The following FYCO1 variants were observed in gnomAD, a reference collection of about 807,000 sequenced individuals.
FYCO1 encodes the protein FYVE and coiled-coil domain autophagy adaptor 1, also known as FYVE and coiled-coil domain-containing protein 1.
FYCO1 carries 122 observed loss-of-function variants against 165.1 expected under a neutral mutation model. The ratio of observed to expected loss-of-function variants is 0.74; its 90% CI spans 0.64 to 0.86. The LOEUF is 0.86. Ranked by LOEUF, FYCO1 falls within the 40% of genes least tolerant of loss-of-function variation. FYCO1 has a pLI of 0.00. For synonymous variants in FYCO1, 648 were observed against 742.5 expected, an observed-to-expected ratio of 0.87 and a Z score of 2.07; for missense variants, 1,702 against 1,810.3, an observed-to-expected ratio of 0.94 and a Z score of 1.09.
Position 45,939,043 on chromosome 3 carries a change from G to A in FYCO1, c.3945-2500C>T, listed in dbSNP as rs79470211. On this transcript the variant is annotated intron_variant, in intron 14 of 17. Coordinates refer to ENST00000296137, the MANE Select transcript of FYCO1 (RefSeq NM_024513.4). ...GATACCAGATACTCACTGCCCACGC[G>A]GCTTTCCTCCTCCCCTTGCTCTGGT... Among the ~76,000 whole-genome samples, 274 of 152,310 alleles carry A rather than the reference G, an allele frequency of 1.8e-3. 1 individual carries two copies. The highest frequency in any genetic ancestry group is 3.4e-3 in the Non-Finnish European group (231 of 68,020).
intron 1 of FYCO1, among the ~76,000 whole-genome samples, chr3:45,986,282 C>A (rs1315083099): frequency 6.6e-6 from 1 of 152,180 alleles, no homozygotes; most frequent in East Asian, 1.9e-4. Flanking sequence ...GCTCGAGGTA[C>A]TACCATGAAC....
chr3:45,929,526 G>A (rs79393352), intron 16 of FYCO1, among the ~76,000 whole-genome samples: 5,021 of 152,284 alleles, frequency 0.033, 121 homozygotes, highest in Middle Eastern at 0.078. Flanking sequence ...TGGGTCTGGG[G>A]AACGTGATGG....
At chr3:45,979,886 G>C (rs984658522) in intron 3 of FYCO1, 56 bp from the exon 4 acceptor site, 5 of 1,599,320 alleles carry the variant, frequency 3.1e-6, no homozygotes, top group Non-Finnish European at 3.4e-6. Flanking sequence ...CTTCATTCCG[G>C]CATTTAAATG....
chr3:45,991,910 T>G (rs572833953), intron 1 of FYCO1, among the ~76,000 whole-genome samples: 1 of 152,032 alleles, frequency 6.6e-6, no homozygotes, highest in East Asian at 1.9e-4. Flanking sequence ...CCAAATCCAA[T>G]TGGAACTGGT....
intron 6 of FYCO1, among the ~76,000 whole-genome samples, chr3:45,970,582 T>A (rs1335840826): frequency 6.6e-6 from 1 of 152,032 alleles, no homozygotes; most frequent in Non-Finnish European, 1.5e-5. Context: ...TTGGCATTCT[T>A]TTTTTTTGAA....
rs140695972 is a variant in FYCO1 at position 45,975,282 on chromosome 3, C to T, written c.352G>A (p.Ala118Thr). The change falls in exon 5 of 18, where the codon GCA becomes ACA. Residue 118 changes from alanine to threonine, a missense_variant. By Grantham distance (58) the Ala-to-Thr change is moderately conservative (BLOSUM62 0). Coordinates refer to ENST00000296137, the MANE Select transcript of FYCO1 (RefSeq NM_024513.4). ...IRYSLVHQRL[A>T]DTLQQCFMNT... ...ATGAAGCACTGCTGTAAGGTGTCTG[C>T]CAACCTCTGGTGCACCAAGGAGTAG... 10 of 1,613,960 alleles carry T rather than the reference C, an allele frequency of 6.2e-6. No individual in the cohort carries two copies. Among genetic ancestry groups the T allele is most frequent in the Non-Finnish European group, 7.6e-6 (9 of 1,179,930 alleles).
At chr3:45,946,914 A>G (rs148910229) in intron 14 of FYCO1, 1 of 1,614,084 alleles carries the variant, frequency 6.2e-7, no homozygotes, top group African/African-American at 1.3e-5. Context: ...AGCCAAGAGG[A>G]TGACCTGGGG....
At chr3:45,936,610 C>T (rs1703906466) in intron 14 of FYCO1, 67 bp from the exon 15 acceptor site, 1 of 1,176,704 alleles carries the variant, frequency 8.5e-7, no homozygotes, top group Admixed American at 1.7e-5. Context: ...ATCCTGGGGT[C>T]CGCAGTCTTG....
rs768865289 is a variant in FYCO1 at position 45,931,097 on chromosome 3, C to T, written c.4225G>A (p.Glu1409Lys). ...ISFSVVFQEAEDTPLDQCKVL... is the reference protein window; with the variant it reads ...ISFSVVFQEAKDTPLDQCKVL... ...TTACACTGATCCAGCGGTGTGTCCTCGGCCTCCTGGAAGACCACACTGAAG... is the reference window on the plus strand; with the variant it reads ...TTACACTGATCCAGCGGTGTGTCCTTGGCCTCCTGGAAGACCACACTGAAG... Residue 1409 changes from glutamate to lysine, a missense_variant, in exon 16 of 18, where the codon GAG becomes AAG. Coordinates refer to ENST00000296137, the MANE Select transcript of FYCO1 (RefSeq NM_024513.4). 13 of 1,613,634 alleles carry T rather than the reference C, an allele frequency of 8.1e-6. No individual in the cohort carries two copies. The Admixed American group carries it at 8.3e-5, about 10-fold the overall frequency.
intron 2 of FYCO1, among the ~76,000 whole-genome samples, chr3:45,982,907 G>A (rs1440830556): frequency 1.3e-5 from 2 of 152,180 alleles, no homozygotes; most frequent in Non-Finnish European, 2.9e-5. Flanking sequence ...CCAGGGGCCT[G>A]GGAGAGACAA....
rs773260238 is a variant in FYCO1, at chr3:45,962,407, G to T, written c.3270-15C>A. 4 of 1,613,550 alleles carry T rather than the reference G, an allele frequency of 2.5e-6. No homozygotes were observed. In the Admixed American group the frequency reaches 6.7e-5, roughly 27 times the overall value. The stretch of plus-strand genomic sequence containing the variant: ...CCTTCTGGGTCCTGGGGGAGGAGTG[G>T]TAAGTTTTCTTGATTAGCCAGGACT... On this transcript the variant is annotated splice_polypyrimidine_tract_variant and intron_variant, in intron 10 of 17. Coordinates refer to ENST00000296137, the MANE Select transcript of FYCO1 (RefSeq NM_024513.4). The surrounding 1 kb of genome is among the most constrained non-coding windows in gnomAD (Gnocchi z 4.4).
intron 14 of FYCO1, among the ~76,000 whole-genome samples, chr3:45,948,829 C>T (rs548926059): frequency 2.0e-5 from 3 of 152,234 alleles, no homozygotes; most frequent in South Asian, 2.1e-4. Flanking sequence ...AGACCTTGGG[C>T]GAATCTCTTA....
intron 14 of FYCO1, among the ~76,000 whole-genome samples, chr3:45,950,518 C>T (rs1381178323): frequency 6.6e-6 from 1 of 152,052 alleles, no homozygotes; most frequent in African/African-American, 2.4e-5. Flanking sequence ...GGAGGCAAAG[C>T]GAAGAGGATG....
At chr3:45,950,280 A>C (rs1224157827) in intron 14 of FYCO1, among the ~76,000 whole-genome samples, 1 of 152,060 alleles carries the variant, frequency 6.6e-6, no homozygotes. Flanking sequence ...TTCCCTACCA[A>C]GTTCCCAACA....
At position 45,946,162 on chromosome 3, in the gene FYCO1, G is replaced by T. The variant is rs374650210; in HGVS notation, c.3944+9087C>A. On this transcript the variant is annotated intron_variant, in intron 14 of 17. Coordinates refer to ENST00000296137, the MANE Select transcript of FYCO1 (RefSeq NM_024513.4). ...CCACCTGGCAGCAAAGCGACTTTTG[G>T]TTTCAAAATAATTGAGCACAGGATT... The T allele has an allele frequency of 1.8e-5, 5 of 272,182 alleles. No homozygotes were observed. The East Asian group carries it at 3.0e-4, about 17-fold the overall frequency. 16.9% of individuals were successfully genotyped at this position (272,182 alleles called of 1,614,324 possible).
At position 45,968,288 on chromosome 3, in the gene FYCO1, T is replaced by A; in HGVS notation, c.1046A>T (p.Gln349Leu). 1 of 1,613,982 alleles carries A rather than the reference T, an allele frequency of 6.2e-7. No individual in the cohort carries two copies. Among genetic ancestry groups the A allele is most frequent in the Non-Finnish European group, 8.5e-7 (1 of 1,180,026 alleles). ...TGAGTCCCGTGTGGCCTCAAGCTCC[T>A]GTGCCAAGGGCTGCAGCATGGACTC... The part of the protein sequence containing the change: ...RLESMLQPLA[Q>L]ELEATRDSLD... The change falls in exon 8 of 18, where the codon CAG becomes CTG. Residue 349 changes from glutamine to leucine, a missense_variant. Physicochemically the swap from Gln to Leu is moderately radical, Grantham distance 113. Transcript: ENST00000296137.
rs1705479338 is a variant in FYCO1, at chr3:45,958,393, T to C, written c.3799+15A>G. 1.2e-6 allele frequency: 2 copies of C among 1,608,354 alleles called. No homozygotes were observed. The highest frequency in any genetic ancestry group is 8.5e-7 in the Non-Finnish European group (1 of 1,176,904). ...ACCTAGAGAACATAGTAGGCAGTAG[T>C]AGCAGGAGACTGACCTTGGCCTCCT... On this transcript the variant is annotated intron_variant, in intron 13 of 17. Coordinates refer to ENST00000296137, the MANE Select transcript of FYCO1 (RefSeq NM_024513.4).
intron 2 of FYCO1, among the ~76,000 whole-genome samples, chr3:45,983,242 A>G (rs1575386841): frequency 2.6e-5 from 4 of 152,254 alleles, no homozygotes; most frequent in Non-Finnish European, 1.5e-5. Context: ...CCTGACTCCA[A>G]AGTCTTTGAA....
intron 1 of FYCO1, among the ~76,000 whole-genome samples, chr3:45,992,986 C>A (rs1362883409): frequency 6.6e-6 from 1 of 152,132 alleles, no homozygotes; most frequent in Non-Finnish European, 1.5e-5. Flanking sequence ...AAGGACTTCC[C>A]CTAACTCGGG....
Sources: allele counts gnomAD v4.1 joint callset (sites outside exome capture counted in the v4.1 genomes callset), GRCh38; gene constraint gnomAD v4.1.1; non-coding constraint Gnocchi (gnomAD v3.1); transcripts MANE v1.5; gene names NCBI Gene and HGNC (gene_info 2026-07-23, HGNC 2026-07-21).